Variants in TMEM117 observed in about 807,000 individuals in gnomAD.
TMEM117 encodes transmembrane protein 117.
In TMEM117, 27 loss-of-function variants were observed where a neutral mutation model predicts 52.4. The ratio of observed to expected loss-of-function variants is 0.51; its 90% CI spans 0.38 to 0.71. The LOEUF (loss-of-function observed/expected upper bound fraction) is 0.71. Ranked by LOEUF, TMEM117 falls within the 30% of genes least tolerant of loss-of-function variation. TMEM117 has a pLI of 0.00. For missense variants in TMEM117, 556 were observed against 630.5 expected (o/e 0.88, Z 1.26); for synonymous variants, 215 against 206.3 (o/e 1.04, Z -0.36).
chr12:44,162,813 G>T (rs1051599223), intron 4 of TMEM117, among the ~76,000 whole-genome samples: 1 of 152,126 alleles, frequency 6.6e-6, no homozygotes, highest in Non-Finnish European at 1.5e-5. Context: ...TTTGGAGTAG[G>T]TATTGCATGA....
chr12:43,860,843 A>G (rs867855761), intron 2 of TMEM117, among the ~76,000 whole-genome samples: 10 of 152,330 alleles, frequency 6.6e-5, no homozygotes, highest in Middle Eastern at 6.8e-3. Flanking sequence ...TTTAGTTTCT[A>G]AATTAAATAT....
intron 5 of TMEM117, among the ~76,000 whole-genome samples, chr12:44,232,513 A>G (rs1161978589): frequency 6.6e-6 from 1 of 151,514 alleles, no homozygotes; most frequent in Non-Finnish European, 1.5e-5. Context: ...TATATGTTGA[A>G]GTAGTTCCTG....
chr12:43,964,151 G>A (rs1945447859), intron 3 of TMEM117, among the ~76,000 whole-genome samples: 1 of 152,124 alleles, frequency 6.6e-6, no homozygotes, highest in African/African-American at 2.4e-5. Context: ...AATAGCAGTT[G>A]TAATGTGGAA....
intron 5 of TMEM117, among the ~76,000 whole-genome samples, chr12:44,256,787 C>A (rs1592645003): frequency 1.3e-5 from 2 of 151,808 alleles, no homozygotes; most frequent in South Asian, 2.1e-4. Flanking sequence ...AAAATCAATA[C>A]CCTTGAAGCA....
At position 43,945,379 on chromosome 12, in the gene TMEM117, C is replaced by T. The variant is rs561372998; in HGVS notation, c.410+1037C>T. The stretch of plus-strand genomic sequence containing the variant: ...CAGCCAGGGCTGGAGTGCAGTGACG[C>T]GATCTCGGCTCACTCACTGCAACCT... On this transcript the variant is annotated intron_variant, in intron 3 of 7. Transcript: ENST00000266534. Among the ~76,000 whole-genome samples, 158 of 152,248 alleles carry T rather than the reference C, an allele frequency of 1.0e-3. 1 individual carries two copies. Among genetic ancestry groups the T allele is most frequent in the African/African-American group, 3.3e-3 (138 of 41,538 alleles).
At chr12:44,322,813 C>T (rs767865179) in intron 6 of TMEM117, among the ~76,000 whole-genome samples, 6 of 152,068 alleles carry the variant, frequency 3.9e-5, no homozygotes, top group Non-Finnish European at 5.9e-5. Flanking sequence ...ATGTGCTCCC[C>T]GCTGGCCGGC....
chr12:44,027,287 G>A (rs185321909), intron 3 of TMEM117, among the ~76,000 whole-genome samples: 136 of 151,620 alleles, frequency 9.0e-4, no homozygotes, highest in African/African-American at 3.2e-3. Flanking sequence ...CTGGGCTCAA[G>A]TGATACCTCC....
At chr12:43,830,610 CAA>C in the TMEM117 span, among the ~76,000 whole-genome samples, 113 of 94,700 alleles carry the variant, frequency 1.2e-3, no homozygotes, top group African/African-American at 1.8e-3. Flanking sequence ...ACACTTGTCT[CAA>C]AAAAAAAAAA....
chr12:44,117,600 AG>A (rs1006266867), intron 3 of TMEM117, among the ~76,000 whole-genome samples: 6 of 152,152 alleles, frequency 3.9e-5, no homozygotes, highest in Non-Finnish European at 7.3e-5. Context: ...TGAAGTCATC[AG>A]GGGTTTTGAG....
intron 5 of TMEM117, among the ~76,000 whole-genome samples, chr12:44,285,067 A>G (rs1950621979): frequency 6.6e-6 from 1 of 152,208 alleles, no homozygotes; most frequent in Non-Finnish European, 1.5e-5. Flanking sequence ...GGCACTGCAG[A>G]ACTCCAGGGG....
intron 5 of TMEM117, among the ~76,000 whole-genome samples, chr12:44,267,205 A>G (rs1950388716): frequency 6.6e-6 from 1 of 151,858 alleles, no homozygotes; most frequent in Non-Finnish European, 1.5e-5. Context: ...ATGTTTTGTA[A>G]TTTTCCGTGT....
intron 4 of TMEM117, among the ~76,000 whole-genome samples, chr12:44,195,115 T>G (rs2138352669): frequency 6.6e-6 from 1 of 152,322 alleles, no homozygotes; most frequent in East Asian, 1.9e-4. Flanking sequence ...CACTGGGTTC[T>G]CTACTTAGGT....
chr12:44,122,975 G>A (rs2138144049), intron 3 of TMEM117, among the ~76,000 whole-genome samples: 1 of 152,268 alleles, frequency 6.6e-6, no homozygotes, highest in Non-Finnish European at 1.5e-5. Context: ...AGGTCTTTGA[G>A]GAATTGCCAC....
intron 5 of TMEM117, 107 bp from the exon 6 acceptor site, chr12:44,299,473 A>AG: frequency 7.1e-7 from 1 of 1,399,210 alleles, no homozygotes; most frequent in Non-Finnish European, 9.7e-7. Flanking sequence ...ACCTTAGGGT[A>AG]GGTGCTTGCC....
intron 3 of TMEM117, among the ~76,000 whole-genome samples, chr12:43,981,275 C>A (rs893739003): frequency 6.6e-6 from 1 of 152,100 alleles, no homozygotes; most frequent in Non-Finnish European, 1.5e-5. Context: ...CTTTTCTGAC[C>A]ATTTTATTTC....
intron 3 of TMEM117, among the ~76,000 whole-genome samples, chr12:44,026,269 C>G (rs1193306196): frequency 6.6e-6 from 1 of 152,104 alleles, no homozygotes; most frequent in Admixed American, 6.6e-5. Flanking sequence ...ATAGGCTGTT[C>G]TGATTTTATA....
chr12:43,961,376 TACAAAA>T (rs774374099), intron 3 of TMEM117, among the ~76,000 whole-genome samples: 1,766 of 152,318 alleles, frequency 0.012, 40 homozygotes, highest in East Asian at 0.07. Flanking sequence ...ATTAATTTCA[TACAAAA>T]TGCCCAAATG....
chr12:43,949,346 C>T (rs1429633833), intron 3 of TMEM117, among the ~76,000 whole-genome samples: 1 of 152,226 alleles, frequency 6.6e-6, no homozygotes, highest in Non-Finnish European at 1.5e-5. Flanking sequence ...GTTTGCATTT[C>T]TTCTCCGCTG....
At chr12:44,376,332 TG>T in intron 6 of TMEM117, 15 of 473,714 alleles carry the variant, frequency 3.2e-5, no homozygotes, top group Admixed American at 1.1e-4. Context: ...CATGTGTAGA[TG>T]CAAATCAATT....
Sources: allele counts gnomAD v4.1 joint callset (sites outside exome capture counted in the v4.1 genomes callset), GRCh38; gene constraint gnomAD v4.1.1; transcripts MANE v1.5; gene names NCBI Gene and HGNC (gene_info 2026-07-23, HGNC 2026-07-21).